The following TMEM45B variants were observed in gnomAD, a reference collection of about 807,000 sequenced individuals.
TMEM45B encodes transmembrane protein 45B.
TMEM45B carries 29 observed loss-of-function variants against 27.3 expected under a neutral mutation model. The ratio of observed to expected loss-of-function variants is 1.06; its 90% CI spans 0.79 to 1.45. TMEM45B has a LOEUF of 1.45. TMEM45B is among the 40% of genes most tolerant of loss of function. TMEM45B has a pLI of 0.00. For missense variants in TMEM45B, 348 were observed against 343.9 expected (o/e 1.01, Z -0.09); for synonymous variants, 143 against 134.7 (o/e 1.06, Z -0.43).
At chr11:129,821,821 T>A (rs2135551561) in intron 1 of TMEM45B, among the ~76,000 whole-genome samples, 1 of 152,272 alleles carries the variant, frequency 6.6e-6, no homozygotes, top group African/African-American at 2.4e-5. Context: ...ATTCTGATAT[T>A]TCATGATGTT....
At chr11:129,847,928 C>G (rs1232878614) in intron 1 of TMEM45B, among the ~76,000 whole-genome samples, 1 of 151,390 alleles carries the variant, frequency 6.6e-6, no homozygotes, top group African/African-American at 2.4e-5. Flanking sequence ...TGGTGGTGGC[C>G]GGGCAGAGGG....
At chr11:129,824,895 G>A (rs188837761) in intron 1 of TMEM45B, among the ~76,000 whole-genome samples, 3 of 152,260 alleles carry the variant, frequency 2.0e-5, no homozygotes, top group Admixed American at 2.0e-4. Flanking sequence ...CAAGTAAGAG[G>A]AATGAAAAGG....
rs1947968412 is a variant in TMEM45B, at chr11:129,858,819, G to A, written c.*134G>A. 1.7e-6 allele frequency: 1 copy of A among 594,178 alleles called. No homozygotes were observed. The allele number at this position is 594,178 out of a possible 1,614,324, so 36.8% of individuals were successfully genotyped here. On this transcript the variant is annotated 3_prime_UTR_variant, in exon 6 of 6. Transcript: ENST00000281441. ...GCACCTCCTCATTCAACACAGGGCT[G>A]GAGGTTCTACAACAGGAAATCAGGC...
chr11:129,841,759 G>C (rs1293525231), intron 1 of TMEM45B, among the ~76,000 whole-genome samples: 1 of 151,730 alleles, frequency 6.6e-6, no homozygotes, highest in African/African-American at 2.4e-5. Context: ...ACCACGCCCG[G>C]CTAATTTTTT....
intron 1 of TMEM45B, among the ~76,000 whole-genome samples, chr11:129,834,802 C>T (rs923921435): frequency 5.7e-4 from 55 of 96,328 alleles, no homozygotes; most frequent in African/African-American, 2.0e-3. Flanking sequence ...CAGAGAGAGA[C>T]TCCATCTCCA....
intron 1 of TMEM45B, among the ~76,000 whole-genome samples, chr11:129,841,116 G>A (rs1947686609): frequency 1.3e-5 from 2 of 152,042 alleles, no homozygotes; most frequent in African/African-American, 4.8e-5. Flanking sequence ...AGGCAAGTAG[G>A]AGATGGTGGC....
chr11:129,855,053 G>A (rs1021832425), intron 3 of TMEM45B, among the ~76,000 whole-genome samples: 17 of 152,098 alleles, frequency 1.1e-4, no homozygotes, highest in African/African-American at 3.1e-4. Flanking sequence ...CCAAAGCCCC[G>A]GCTAACACTG....
At chr11:129,847,965 C>G (rs1565371004) in intron 1 of TMEM45B, among the ~76,000 whole-genome samples, 1 of 152,056 alleles carries the variant, frequency 6.6e-6, no homozygotes, top group Non-Finnish European at 1.5e-5. Flanking sequence ...TAGGGGCGGC[C>G]GGGCAGAGAC....
chr11:129,847,407 A>ATTTTT (rs5795680), intron 1 of TMEM45B, among the ~76,000 whole-genome samples: 1 of 67,882 alleles, frequency 1.5e-5, no homozygotes. Context: ...TTATGAAGTT[A>ATTTTT]TTTTTTTTTA....
At chr11:129,817,592 C>T (rs1262646058) in intron 1 of TMEM45B, among the ~76,000 whole-genome samples, 2 of 152,222 alleles carry the variant, frequency 1.3e-5, no homozygotes, top group African/African-American at 2.4e-5. Context: ...GATTTCCTCT[C>T]ACATCTTCAT....
chr11:129,841,684 C>T (rs1266728736), intron 1 of TMEM45B, among the ~76,000 whole-genome samples: 3 of 148,778 alleles, frequency 2.0e-5, no homozygotes, highest in African/African-American at 7.4e-5. Context: ...GCAACTTCTA[C>T]CTCCTGGGTT....
At chr11:129,856,849 G>A (rs11221883) in intron 4 of TMEM45B, among the ~76,000 whole-genome samples, 50,417 of 138,618 alleles carry the variant, frequency 0.36, 9,680 homozygotes, top group East Asian at 0.47. Context: ...ATGAGCCACC[G>A]CGCCCGGCTT....
At chr11:129,834,443 A>G (rs1947593325) in intron 1 of TMEM45B, among the ~76,000 whole-genome samples, 1 of 151,892 alleles carries the variant, frequency 6.6e-6, no homozygotes, top group African/African-American at 2.4e-5. Context: ...AGGAAAAAAA[A>G]AAACAGCAAC....
chr11:129,855,025 G>C (rs1379668571), intron 3 of TMEM45B, among the ~76,000 whole-genome samples: 1 of 152,158 alleles, frequency 6.6e-6, no homozygotes, highest in Non-Finnish European at 1.5e-5. Flanking sequence ...TGAAAGCTTT[G>C]AGGCTTGAAG....
intron 1 of TMEM45B, among the ~76,000 whole-genome samples, chr11:129,848,196 A>C (rs1947794171): frequency 6.6e-6 from 1 of 152,086 alleles, no homozygotes; most frequent in African/African-American, 2.4e-5. Flanking sequence ...AGCCGAGATC[A>C]CGCCACTGCA....
chr11:129,821,431 CT>C (rs914945280), intron 1 of TMEM45B, among the ~76,000 whole-genome samples: 1 of 151,862 alleles, frequency 6.6e-6, no homozygotes, highest in African/African-American at 2.4e-5. Flanking sequence ...TACACACACA[CT>C]TTTTTTTTCT....
chr11:129,849,014 C>G (rs540430119), intron 1 of TMEM45B, among the ~76,000 whole-genome samples: 2 of 152,340 alleles, frequency 1.3e-5, no homozygotes, highest in East Asian at 3.9e-4. Context: ...GACCCATTCA[C>G]ACCATAGCAT....
At chr11:129,857,238 T>A (rs2135614380) in intron 4 of TMEM45B, 75 bp from the exon 5 acceptor site, 1 of 1,571,030 alleles carries the variant, frequency 6.4e-7, no homozygotes, top group South Asian at 1.2e-5. Context: ...GCCACTTCGG[T>A]GGCCACAGGA....
chr11:129,841,772 A>G (rs1240194377), intron 1 of TMEM45B, among the ~76,000 whole-genome samples: 1 of 151,302 alleles, frequency 6.6e-6, no homozygotes, highest in Non-Finnish European at 1.5e-5. Context: ...AATTTTTTGT[A>G]TTTTTAGTAG....
Sources: allele counts gnomAD v4.1 joint callset (sites outside exome capture counted in the v4.1 genomes callset), GRCh38; gene constraint gnomAD v4.1.1; transcripts MANE v1.5; gene names NCBI Gene and HGNC (gene_info 2026-07-23, HGNC 2026-07-21).